The following THSD7A variants were observed in gnomAD, a reference collection of about 807,000 sequenced individuals.
THSD7A encodes thrombospondin type-1 domain-containing protein 7A.
THSD7A carries 96 observed loss-of-function variants against 231.3 expected under a neutral mutation model. The ratio of observed to expected loss-of-function variants is 0.41; its 90% CI spans 0.35 to 0.49. The LOEUF is 0.49. Ranked by LOEUF, THSD7A falls within the 20% of genes least tolerant of loss-of-function variation. The probability of loss-of-function intolerance (pLI) is 0.05; values close to 1 mark genes in which losing one functional copy is unlikely to be tolerated. For synonymous variants in THSD7A, 940 were observed against 743.3 expected (o/e 1.26, Z -4.30); for missense variants, 2,290 against 2,070.2 (o/e 1.11, Z -2.06).
At chr7:11,451,294 G>A (rs1338967542) in intron 11 of THSD7A, among the ~76,000 whole-genome samples, 1 of 151,928 alleles carries the variant, frequency 6.6e-6, no homozygotes, top group Non-Finnish European at 1.5e-5. Context: ...TTGAGACAAT[G>A]GAGAAAAATT....
chr7:11,515,682 A>T lies in THSD7A; in HGVS notation c.1822+25737T>A, dbSNP rs1788002585. On this transcript the variant is annotated intron_variant, in intron 6 of 27. Coordinates refer to ENST00000423059, the MANE Select transcript of THSD7A (RefSeq NM_015204.3). ...TAGAGATAAATAAACCAAGCTTGTG[A>T]TGGGGAGAAAAGACAGCCCATGTTT... 2.0e-5 allele frequency among the ~76,000 whole-genome samples: 3 copies of T among 152,256 alleles called. No homozygotes were observed. In the South Asian group the frequency reaches 6.2e-4, roughly 32 times the overall value.
At chr7:11,661,406 T>C (rs1782923600) in intron 1 of THSD7A, among the ~76,000 whole-genome samples, 1 of 151,366 alleles carries the variant, frequency 6.6e-6, no homozygotes, top group Non-Finnish European at 1.5e-5. Flanking sequence ...AGATCTGTAC[T>C]TTAAAACAAC....
intron 6 of THSD7A, among the ~76,000 whole-genome samples, chr7:11,508,122 A>G (rs963150717): frequency 2.6e-5 from 4 of 152,156 alleles, no homozygotes; most frequent in Admixed American, 6.5e-5. Flanking sequence ...AATGGGGTAA[A>G]CCACCCTCAT....
chr7:11,498,919 C>T (rs2128309545), intron 6 of THSD7A, among the ~76,000 whole-genome samples: 1 of 152,266 alleles, frequency 6.6e-6, no homozygotes, highest in African/African-American at 2.4e-5. Context: ...TACATGGGTT[C>T]CCGTTCTCAT....
At position 11,706,630 on chromosome 7, in the gene THSD7A, C is replaced by CTTTTTTTTTTTTTTTTTTTT. The variant is rs66964252; in HGVS notation, c.191-69689_191-69670dup. On this transcript the variant is annotated intron_variant, in intron 1 of 27. Transcript: ENST00000423059. ...ATTGACTAAAAATTTTAACAAGGTG[C>CTTTTTTTTTTTTTTTTTTTT]TTTTTTTTTTTTTTTTTTTTTTTTT... Among the ~76,000 whole-genome samples, 39 of 66,388 alleles carry CTTTTTTTTTTTTTTTTTTTT rather than the reference C, an allele frequency of 5.9e-4. 4 individuals are homozygous for CTTTTTTTTTTTTTTTTTTTT. The highest frequency in any genetic ancestry group is 0.014 in the Middle Eastern group (1 of 72). The allele number at this position is 66,388 out of a possible 152,430, so 43.6% of individuals were successfully genotyped here. A position where few individuals can be genotyped will look rare whatever the true frequency, so the allele number is the denominator to read the frequency against.
intron 1 of THSD7A, among the ~76,000 whole-genome samples, chr7:11,805,460 C>T (rs896747388): frequency 6.6e-6 from 1 of 152,042 alleles, no homozygotes; most frequent in African/African-American, 2.4e-5. Context: ...TTAGTGGTCT[C>T]TATATTATGA....
chr7:11,473,206 C>G (rs936427765), intron 8 of THSD7A, among the ~76,000 whole-genome samples: 2 of 152,086 alleles, frequency 1.3e-5, no homozygotes, highest in African/African-American at 4.8e-5. Flanking sequence ...ACACAAACAT[C>G]TCATAATGGG....
intron 6 of THSD7A, among the ~76,000 whole-genome samples, chr7:11,538,591 T>G (rs1340922341): frequency 1.3e-5 from 2 of 152,204 alleles, no homozygotes; most frequent in Non-Finnish European, 2.9e-5. Context: ...CACAGATCTT[T>G]GGAGTAGGTT....
At chr7:11,644,063 A>C (rs1584136565) in intron 1 of THSD7A, among the ~76,000 whole-genome samples, 1 of 139,834 alleles carries the variant, frequency 7.2e-6, no homozygotes, top group East Asian at 2.1e-4. Context: ...AAAAAAAAAA[A>C]CCTTAATTCC....
intron 1 of THSD7A, among the ~76,000 whole-genome samples, chr7:11,722,591 G>A (rs1781395596): frequency 6.6e-6 from 1 of 151,726 alleles, no homozygotes; most frequent in African/African-American, 2.4e-5. Context: ...CTGATCAGCA[G>A]CATCCATTCC....
intron 1 of THSD7A, among the ~76,000 whole-genome samples, chr7:11,644,751 C>T (rs532027144): frequency 2.6e-5 from 4 of 152,084 alleles, no homozygotes; most frequent in Non-Finnish European, 4.4e-5. Flanking sequence ...ATCTATTATA[C>T]TAAATATTCC....
intron 16 of THSD7A, among the ~76,000 whole-genome samples, chr7:11,421,127 G>A (rs1784129158): frequency 6.6e-6 from 1 of 152,152 alleles, no homozygotes; most frequent in Admixed American, 6.5e-5. Flanking sequence ...GGAAGGTATG[G>A]TTGTATTTTG....
chr7:11,448,803 C>T (rs1266097450), intron 11 of THSD7A, among the ~76,000 whole-genome samples: 1 of 152,070 alleles, frequency 6.6e-6, no homozygotes, highest in Non-Finnish European at 1.5e-5. Flanking sequence ...TGTGGATGCA[C>T]TTCCCTATTT....
At position 11,462,064 on chromosome 7, in the gene THSD7A, A is replaced by T; in HGVS notation, c.2448T>A (p.Asp816Glu). 6.2e-7 allele frequency: 1 copy of T among 1,613,702 alleles called. No individual in the cohort carries two copies. Among genetic ancestry groups the T allele is most frequent in the Non-Finnish European group, 8.5e-7 (1 of 1,179,728 alleles). The change falls in exon 10 of 28, where the codon GAT becomes GAA. Residue 816 changes from aspartate (D) to glutamate (E), a missense_variant. Transcript: ENST00000423059. ...CACAGGCCTTCTCTTCATAGAGGGG[A>T]TCTGTGCAGTCTCGGCCCCCGTTGG... ...LPANGGRDCT[D>E]PLYEEKACEA...
At chr7:11,529,756 T>C (rs142609976) in intron 6 of THSD7A, among the ~76,000 whole-genome samples, 9 of 152,330 alleles carry the variant, frequency 5.9e-5, no homozygotes, top group African/African-American at 2.2e-4. Context: ...CAGTCTCAGA[T>C]AGTATCTTTA....
At chr7:11,435,129 GTTATT>G (rs945863852) in intron 13 of THSD7A, among the ~76,000 whole-genome samples, 1 of 151,948 alleles carries the variant, frequency 6.6e-6, no homozygotes, top group Admixed American at 6.6e-5. Context: ...TTTTGTTATT[GTTATT>G]TTAATACTGG....
intron 23 of THSD7A, among the ~76,000 whole-genome samples, chr7:11,390,463 A>T (rs1230437014): frequency 6.6e-6 from 1 of 152,118 alleles, no homozygotes; most frequent in Non-Finnish European, 1.5e-5. Context: ...CAGGTCATTT[A>T]TGTTGTTATC....
At chr7:11,424,557 G>T (rs1466410033) in intron 16 of THSD7A, 139 bp downstream of exon 16, 2 of 1,161,358 alleles carry the variant, frequency 1.7e-6, no homozygotes, top group African/African-American at 1.6e-5. Context: ...AGTTTTCTAT[G>T]AGCACAGATT....
chr7:11,810,521 C>T (rs1784503386), intron 1 of THSD7A, among the ~76,000 whole-genome samples: 1 of 152,052 alleles, frequency 6.6e-6, no homozygotes, highest in Non-Finnish European at 1.5e-5. Context: ...AATGTTTGTG[C>T]AGTAAATAAA....
Sources: gnomAD v4.1 joint callset for allele counts (sites outside exome capture counted in the v4.1 genomes callset) on GRCh38, gnomAD v4.1.1 for gene constraint, MANE v1.5 for transcripts, NCBI Gene and HGNC (gene_info 2026-07-23, HGNC 2026-07-21) for gene names.